The following NLN variants were observed in gnomAD, a reference collection of about 807,000 sequenced individuals.
NLN encodes neurolysin, mitochondrial.
NLN carries 64 observed loss-of-function variants against 79.9 expected under a neutral mutation model. That is an observed-to-expected ratio of 0.80 (90% confidence interval 0.65 to 0.99). The LOEUF (loss-of-function observed/expected upper bound fraction) is 0.99, where lower values mean the gene tolerates loss of function less well. Among genes scored for constraint, NLN ranks in the 50% least tolerant of loss-of-function variants. The pLI, the probability that NLN is intolerant of heterozygous loss-of-function variation, is 0.00. For synonymous variants in NLN, 267 were observed against 296.6 expected (o/e 0.90, Z 1.02); for missense variants, 835 against 858.7 (o/e 0.97, Z 0.34).
chr5:65,744,190 G>A (rs1174268357), intron 1 of NLN, among the ~76,000 whole-genome samples: 2 of 152,132 alleles, frequency 1.3e-5, no homozygotes, highest in African/African-American at 2.4e-5. Flanking sequence ...TATAGATGAG[G>A]TCTCACCACG....
chr5:65,794,272 G>A (rs1365458304), intron 9 of NLN, among the ~76,000 whole-genome samples: 1 of 152,132 alleles, frequency 6.6e-6, no homozygotes, highest in African/African-American at 2.4e-5. Context: ...AACTTACACA[G>A]TAGATCCTAG....
chr5:65,733,624 C>A, intron 1 of NLN: 1 of 1,495,648 alleles, frequency 6.7e-7, no homozygotes, highest in Non-Finnish European at 9.2e-7. Context: ...TCATGGCCAT[C>A]TGAGAAAGTG....
intron 3 of NLN, among the ~76,000 whole-genome samples, chr5:65,770,673 A>C (rs1285489459): frequency 1.3e-5 from 2 of 152,222 alleles, no homozygotes; most frequent in South Asian, 2.1e-4. Context: ...CTCCCACCTC[A>C]GTATTTACCT....
chr5:65,748,940 A>C (rs538104112), intron 1 of NLN, among the ~76,000 whole-genome samples: 11 of 152,090 alleles, frequency 7.2e-5, no homozygotes, highest in Non-Finnish European at 1.5e-4. Flanking sequence ...GGAGGAACCC[A>C]ATGGGAGGTC....
intron 12 of NLN, among the ~76,000 whole-genome samples, chr5:65,821,768 C>T (rs964598637): frequency 6.6e-6 from 1 of 152,084 alleles, no homozygotes; most frequent in Non-Finnish European, 1.5e-5. Context: ...CAAAAGGTAA[C>T]CCCAAAAGTT....
intron 1 of NLN, among the ~76,000 whole-genome samples, chr5:65,746,099 G>T (rs974626880): frequency 1.3e-5 from 2 of 152,144 alleles, no homozygotes; most frequent in Non-Finnish European, 2.9e-5. Flanking sequence ...GAAGTCTTTA[G>T]CTATAGGTGA....
chr5:65,730,419 G>T (rs779758844), intron 1 of NLN, among the ~76,000 whole-genome samples: 8 of 152,202 alleles, frequency 5.3e-5, no homozygotes, highest in South Asian at 4.1e-4. Flanking sequence ...TGAAAGCAGG[G>T]CTATGCCTGG....
chr5:65,812,793 C>G (rs933859160), intron 12 of NLN, among the ~76,000 whole-genome samples: 3 of 152,170 alleles, frequency 2.0e-5, no homozygotes, highest in African/African-American at 7.2e-5. Context: ...TCTCTACACA[C>G]TTTGTGCACT....
At chr5:65,774,729 A>T (rs1157325515) in intron 3 of NLN, among the ~76,000 whole-genome samples, 2 of 135,602 alleles carry the variant, frequency 1.5e-5, no homozygotes, top group South Asian at 2.2e-4. Flanking sequence ...ATATATATAT[A>T]TTTTTTTTTT....
At chr5:65,722,503 G>T in intron 1 of NLN, 89 bp downstream of exon 1, 2 of 1,213,928 alleles carry the variant, frequency 1.6e-6, no homozygotes, top group South Asian at 1.3e-5. Context: ...ACCCCTTCCC[G>T]ACCGCGCCTC....
At chr5:65,732,411 T>C (rs2150733762) in intron 1 of NLN, among the ~76,000 whole-genome samples, 1 of 140,520 alleles carries the variant, frequency 7.1e-6, no homozygotes, top group Admixed American at 6.9e-5. Flanking sequence ...AACTTACACT[T>C]CATATAGAGG....
At chr5:65,760,217 C>G (rs1759310094) in intron 2 of NLN, among the ~76,000 whole-genome samples, 2 of 152,168 alleles carry the variant, frequency 1.3e-5, no homozygotes, top group Non-Finnish European at 2.9e-5. Flanking sequence ...TCTCTTATCT[C>G]AGTGTTTGTT....
intron 7 of NLN, 43 bp downstream of exon 7, chr5:65,785,953 T>C (rs770520141): frequency 3.8e-5 from 60 of 1,586,088 alleles, no homozygotes; most frequent in Non-Finnish European, 5.1e-5. Flanking sequence ...TGCTATACCA[T>C]GTCAACCAGA....
At chr5:65,728,956 A>T (rs1758541197) in intron 1 of NLN, among the ~76,000 whole-genome samples, 1 of 151,990 alleles carries the variant, frequency 6.6e-6, no homozygotes, top group Admixed American at 6.6e-5. Context: ...CGATCCTCCC[A>T]CTTCAGCCTC....
At chr5:65,810,232 G>C in intron 11 of NLN, 67 bp downstream of exon 11, 1 of 1,374,588 alleles carries the variant, frequency 7.3e-7, no homozygotes, top group Non-Finnish European at 1.0e-6. Flanking sequence ...AACACTGCAG[G>C]GGAGATGGAG....
intron 1 of NLN, among the ~76,000 whole-genome samples, chr5:65,754,069 G>C (rs1759162746): frequency 6.6e-6 from 1 of 151,660 alleles, no homozygotes; most frequent in African/African-American, 2.4e-5. Flanking sequence ...TCCTTTATCA[G>C]TTTTCATTCC....
intron 1 of NLN, among the ~76,000 whole-genome samples, chr5:65,736,228 G>A (rs2150735395): frequency 6.6e-6 from 1 of 152,022 alleles, no homozygotes; most frequent in East Asian, 1.9e-4. Context: ...ATATGATTTA[G>A]TTTTGCATAA....
At chr5:65,781,520 T>C in intron 6 of NLN, 99 bp downstream of exon 6, 1 of 841,748 alleles carries the variant, frequency 1.2e-6, no homozygotes, top group Non-Finnish European at 2.0e-6. Flanking sequence ...GAGACTGATA[T>C]TCCTGTGTGT....
At position 65,823,144 on chromosome 5, in the gene NLN, A is replaced by G; in HGVS notation, c.*229A>G. The G allele has an allele frequency of 2.4e-6, 1 of 409,084 alleles. No individual in the cohort carries two copies. The highest frequency in any genetic ancestry group is 4.3e-6 in the Non-Finnish European group (1 of 230,824). The allele number at this position is 409,084 out of a possible 1,614,324, so 25.3% of individuals were successfully genotyped here. On this transcript the variant is annotated 3_prime_UTR_variant, in exon 13 of 13. Coordinates refer to ENST00000380985, the MANE Select transcript of NLN (RefSeq NM_020726.5). ...GTACTATAAAATTTCATAAAACTGGATTTGATTTCTTTTTATGAAAGTTTC... is the reference window on the plus strand; with the variant it reads ...GTACTATAAAATTTCATAAAACTGGGTTTGATTTCTTTTTATGAAAGTTTC...
Sources: gnomAD v4.1 joint callset for allele counts (sites outside exome capture counted in the v4.1 genomes callset) on GRCh38, gnomAD v4.1.1 for gene constraint, MANE v1.5 for transcripts, NCBI Gene and HGNC (gene_info 2026-07-23, HGNC 2026-07-21) for gene names.